The following GNG7 variants were observed in gnomAD, a reference collection of about 807,000 sequenced individuals.
The protein encoded by GNG7 is G protein subunit gamma 7, also known as guanine nucleotide-binding protein G(I)/G(S)/G(O) subunit gamma-7.
In GNG7, 1 loss-of-function variant was observed where a neutral mutation model predicts 4.0. That is an observed-to-expected ratio of 0.25 (90% confidence interval 0.09 to 1.18). GNG7 has a LOEUF of 1.18. Among genes scored for constraint, GNG7 ranks in the 50% most tolerant of loss-of-function variants. The pLI is 0.50. For missense variants in GNG7, 86 were observed against 91.9 expected, an observed-to-expected ratio of 0.94 and a Z score of 0.26; for synonymous variants, 34 against 36.9, an observed-to-expected ratio of 0.92 and a Z score of 0.29.
At chr19:2,594,481 A>T (rs1436588076) in intron 2 of GNG7, among the ~76,000 whole-genome samples, 2 of 152,084 alleles carry the variant, frequency 1.3e-5, no homozygotes, top group Non-Finnish European at 2.9e-5. Flanking sequence ...AAAAAATTAC[A>T]TATAGTGGAA....
Position 2,682,393 on chromosome 19 carries a change from G to A in GNG7, c.-135+20253C>T, listed in dbSNP as rs370251597. On this transcript the variant is annotated intron_variant, in intron 1 of 4. Transcript: ENST00000382159. ...AAGAGCTACAGGGCGAGCTGGGCACGGAGGCTCACACCTGTCATCCCAGCA... is the reference window on the plus strand; with the variant it reads ...AAGAGCTACAGGGCGAGCTGGGCACAGAGGCTCACACCTGTCATCCCAGCA... Among the ~76,000 whole-genome samples the A allele has an allele frequency of 4.1e-4, 62 of 151,692 alleles. 1 individual carries two copies. Among genetic ancestry groups the A allele is most frequent in the African/African-American group, 1.5e-3 (61 of 41,382 alleles).
chr19:2,539,041 G>C (rs1345864565), intron 3 of GNG7, among the ~76,000 whole-genome samples: 1 of 152,110 alleles, frequency 6.6e-6, no homozygotes, highest in East Asian at 1.9e-4. Flanking sequence ...AAAGTGCTGG[G>C]ATTACAGGCG....
Position 2,560,628 on chromosome 19 carries a change from G to A in GNG7, c.-77-5440C>T, listed in dbSNP as rs527817719. Among the ~76,000 whole-genome samples the A allele has an allele frequency of 1.6e-4, 25 of 152,246 alleles. 1 individual carries two copies. In the East Asian group the frequency reaches 4.1e-3, roughly 25 times the overall value. ...CTGCTCCAGAGAAGGATCCAGCCCC[G>A]ATGTCCACAGGGCCTGGGGGGACCC... On this transcript the variant is annotated intron_variant, in intron 2 of 4. Transcript: ENST00000382159.
At chr19:2,542,050 T>C (rs1455658960) in intron 3 of GNG7, among the ~76,000 whole-genome samples, 1 of 150,088 alleles carries the variant, frequency 6.7e-6, no homozygotes, top group Non-Finnish European at 1.5e-5. Flanking sequence ...AAGAGCTCCC[T>C]GTGGCAGGTG....
At chr19:2,608,250 A>T (rs1981452909) in intron 2 of GNG7, among the ~76,000 whole-genome samples, 1 of 152,014 alleles carries the variant, frequency 6.6e-6, no homozygotes, top group Admixed American at 6.6e-5. Context: ...TGAGGAGCAG[A>T]AAGACCGAAA....
Position 2,511,976 on chromosome 19 carries a change from T to TTCAC in GNG7, c.*3042_*3045dup. The TTCAC allele has an allele frequency of 1.0e-6, 1 of 985,892 alleles. No homozygotes were observed. The highest frequency in any genetic ancestry group is 1.2e-6 in the Non-Finnish European group (1 of 829,960). 61.1% of individuals were successfully genotyped at this position (985,892 alleles called of 1,614,324 possible). A position where few individuals can be genotyped will look rare whatever the true frequency, so the allele number is the denominator to read the frequency against. On this transcript the variant is annotated 3_prime_UTR_variant, in exon 5 of 5. Transcript: ENST00000382159. This position sits in a 1 kb window ranked among gnomAD's most constrained non-coding sequence, Gnocchi z 6.3. Reference sequence around the variant, plus strand: ...GTCGGGGCCTGGCCCGCTGTGGCCCTTCACCTGGCTACTGGTGTCTCGCTC... The same window carrying TTCAC: ...GTCGGGGCCTGGCCCGCTGTGGCCCTTCACTCACCTGGCTACTGGTGTCTCGCTC...
chr19:2,599,234 C>T (rs1186003022), intron 2 of GNG7, among the ~76,000 whole-genome samples: 1 of 152,086 alleles, frequency 6.6e-6, no homozygotes, highest in Non-Finnish European at 1.5e-5. Context: ...CCGAAAACAC[C>T]GCACTTTCCC....
intron 2 of GNG7, among the ~76,000 whole-genome samples, chr19:2,561,993 C>A (rs917757810): frequency 6.6e-6 from 1 of 152,166 alleles, no homozygotes; most frequent in African/African-American, 2.4e-5. Context: ...AAACAGGAAA[C>A]CCTGTTTCTG....
chr19:2,693,447 GAAAGA>G (rs755630479), intron 1 of GNG7, among the ~76,000 whole-genome samples: 3 of 150,422 alleles, frequency 2.0e-5, no homozygotes, highest in African/African-American at 4.9e-5. Flanking sequence ...AAGAAAAAAA[GAAAGA>G]AAAGAAAAGC....
intron 2 of GNG7, among the ~76,000 whole-genome samples, chr19:2,602,859 C>A (rs770151149): frequency 1.3e-5 from 2 of 151,888 alleles, no homozygotes; most frequent in Non-Finnish European, 2.9e-5. Context: ...GAAAGATGCG[C>A]TACCCACCCT....
chr19:2,702,153 T>C (rs1471426194), intron 1 of GNG7, among the ~76,000 whole-genome samples: 6 of 74,394 alleles, frequency 8.1e-5, no homozygotes, highest in Admixed American at 5.8e-4. Context: ...CCCAGATAAC[T>C]CAGACCTCCA....
At chr19:2,659,040 G>C (rs560688621) in intron 1 of GNG7, among the ~76,000 whole-genome samples, 1 of 151,746 alleles carries the variant, frequency 6.6e-6, no homozygotes, top group Admixed American at 6.6e-5. Context: ...CACAATCTCG[G>C]CTCACTGCAA....
At chr19:2,642,902 C>T (rs1242986581) in intron 2 of GNG7, 1 of 454,932 alleles carries the variant, frequency 2.2e-6, no homozygotes, top group Non-Finnish European at 4.4e-6. Flanking sequence ...TCCCGCCCTG[C>T]ACCATGTGCA....
intron 2 of GNG7, among the ~76,000 whole-genome samples, chr19:2,629,102 C>T (rs1016915448): frequency 6.6e-6 from 1 of 152,276 alleles, no homozygotes; most frequent in Non-Finnish European, 1.5e-5. Context: ...CCCCAAGGAG[C>T]ACGTACTATG....
intron 2 of GNG7, among the ~76,000 whole-genome samples, chr19:2,594,394 AGAAAGAAGGAGGGAAG>A (rs1216884015): frequency 8.3e-6 from 1 of 121,212 alleles, no homozygotes; most frequent in Non-Finnish European, 1.7e-5. Context: ...AAAGAAGGAA[AGAAAGAAGGAGGGAAG>A]GAAGGAAGGA....
At chr19:2,658,464 C>T (rs1568276712) in intron 1 of GNG7, among the ~76,000 whole-genome samples, 2 of 151,480 alleles carry the variant, frequency 1.3e-5, no homozygotes, top group Non-Finnish European at 2.9e-5. Flanking sequence ...AAAATGTACC[C>T]CCGTGTTCAC....
intron 2 of GNG7, among the ~76,000 whole-genome samples, chr19:2,578,450 T>C (rs772890523): frequency 6.6e-6 from 1 of 152,180 alleles, no homozygotes; most frequent in Non-Finnish European, 1.5e-5. Flanking sequence ...TGAGGCAGAA[T>C]ATAAATAAAT....
chr19:2,621,281 C>T (rs185829282), intron 2 of GNG7, among the ~76,000 whole-genome samples: 5 of 152,224 alleles, frequency 3.3e-5, no homozygotes, highest in Admixed American at 1.3e-4. Flanking sequence ...CCCAGCTACT[C>T]GGGAAGCTGA....
chr19:2,588,711 G>C (rs1980750776), intron 2 of GNG7, among the ~76,000 whole-genome samples: 2 of 152,218 alleles, frequency 1.3e-5, no homozygotes, highest in African/African-American at 4.8e-5. Flanking sequence ...GGTTACCCAG[G>C]GTTGTCCTGG....
Sources: gnomAD v4.1 joint callset for allele counts (sites outside exome capture counted in the v4.1 genomes callset) on GRCh38, gnomAD v4.1.1 for gene constraint, Gnocchi (gnomAD v3.1) non-coding constraint, MANE v1.5 for transcripts, NCBI Gene and HGNC (gene_info 2026-07-23, HGNC 2026-07-21) for gene names.